EPHA8: variants seen among roughly 807,000 people sequenced by gnomAD.
The protein encoded by EPHA8 is EPH receptor A8.
Under a neutral mutation model 103.6 loss-of-function variants are expected in EPHA8, and 58 were observed. That is an observed-to-expected ratio of 0.56 (90% CI 0.45 to 0.70). EPHA8 has a LOEUF of 0.70. EPHA8 is among the 30% of genes least tolerant of loss of function. The probability of loss-of-function intolerance (pLI) is 0.00; values close to 1 mark genes in which losing one functional copy is unlikely to be tolerated. For missense variants in EPHA8, 1,304 were observed against 1,395.2 expected (o/e 0.93, Z 1.04); for synonymous variants, 559 against 572.5 (o/e 0.98, Z 0.34).
At position 22,600,671 on chromosome 1, in the gene EPHA8, T is replaced by A. The variant is rs1570039820; in HGVS notation, c.2399T>A (p.Ile800Asn). ...DAAYTTTGGKIPIRWTAPEAI... is the reference protein window; with the variant it reads ...DAAYTTTGGKNPIRWTAPEAI... ...GTGTGTCCGTCGCAGGGCGGGAAGA[T>A]CCCCATCCGCTGGACGGCCCCAGAG... The change falls in exon 14 of 17, where the codon ATC becomes AAC. Residue 800 changes from isoleucine (I) to asparagine (N), a missense_variant. Transcript: ENST00000166244. 6.2e-7 allele frequency: 1 copy of A among 1,613,240 alleles called. No homozygotes were observed. The highest frequency in any genetic ancestry group is 8.5e-7 in the Non-Finnish European group (1 of 1,179,792).
Position 22,569,340 on chromosome 1 carries a change from A to G in EPHA8, c.146A>G (p.Tyr49Cys). ...TIHGDWGWLT[Y>C]PAHGWDSINE... is the part of the protein sequence containing the mutation. ...CACGGGGACTGGGGCTGGCTCACGT[A>G]TCCGGCTCATGGGGTGAGTGATGGG... The change falls in exon 2 of 17, where the codon TAT becomes TGT. Residue 49 changes from tyrosine to cysteine, a missense_variant. Coordinates refer to ENST00000166244, the MANE Select transcript of EPHA8 (RefSeq NM_020526.5). This position sits in a 1 kb window ranked among gnomAD's most constrained non-coding sequence, Gnocchi z 4.5. 6.3e-7 allele frequency: 1 copy of G among 1,599,856 alleles called. No homozygotes were observed. Among genetic ancestry groups the G allele is most frequent in the Non-Finnish European group, 8.5e-7 (1 of 1,173,242 alleles).
chr1:22,601,205 C>A, intron 15 of EPHA8, 95 bp from the exon 16 acceptor site: 1 of 1,532,010 alleles, frequency 6.5e-7, no homozygotes, highest in South Asian at 1.3e-5. Context: ...GGGCCCCCGG[C>A]CCCTGCCCTG....
At chr1:22,586,742 G>T (rs1641221018) in intron 4 of EPHA8, 107 bp downstream of exon 4, 7 of 1,444,364 alleles carry the variant, frequency 4.8e-6, no homozygotes, top group African/African-American at 1.4e-5. Flanking sequence ...GGTGGGGCAG[G>T]GGCGGGTGGC....
At position 22,569,242 on chromosome 1, in the gene EPHA8, G is replaced by A. The variant is rs1486600210; in HGVS notation, c.95-47G>A. 7 of 1,604,312 alleles carry A rather than the reference G, an allele frequency of 4.4e-6. No homozygotes were observed. The African/African-American group carries it at 8.0e-5, about 18-fold the overall frequency. On this transcript the variant is annotated intron_variant, in intron 1 of 16. Transcript: ENST00000166244. The surrounding 1 kb of genome is among the most constrained non-coding windows in gnomAD (Gnocchi z 4.5). ...GGGTCAGGCTGCTCTTGAGGAGCTG[G>A]GGAGAAGTCAGAGGGGCCTGATGCC...
At chr1:22,586,780 T>G (rs866503176) in intron 4 of EPHA8, 145 bp downstream of exon 4, 56 of 924,378 alleles carry the variant, frequency 6.1e-5, no homozygotes, top group African/African-American at 2.9e-4. Context: ...CAGTCTGAGG[T>G]GGGGGGGGTG....
At chr1:22,599,639 GA>G in intron 13 of EPHA8, among the ~76,000 whole-genome samples, 1 of 76,494 alleles carries the variant, frequency 1.3e-5, no homozygotes, top group African/African-American at 7.1e-5. Context: ...GGAAGGAAGG[GA>G]GGGAGGGAAG....
At chr1:22,587,242 A>T (rs1452028722) in intron 4 of EPHA8, among the ~76,000 whole-genome samples, 1 of 152,188 alleles carries the variant, frequency 6.6e-6, no homozygotes, top group African/African-American at 2.4e-5. Context: ...TAAATGTGTG[A>T]CGTGTAGTTG....
rs368509527 is a variant in EPHA8, at chr1:22,600,230, AAGG to A, written c.2389-427_2389-425del. The stretch of plus-strand genomic sequence containing the variant: ...GGAGGAAGGTGGGAGGGAAAGAAGA[AAGG>A]AGGGAAGGAAGGACAGAAGGAGGAA... On this transcript the variant is annotated intron_variant, in intron 13 of 16. Transcript: ENST00000166244. Among the ~76,000 whole-genome samples, 201 of 141,172 alleles carry A rather than the reference AAGG, an allele frequency of 1.4e-3. 1 individual carries two copies. The highest frequency in any genetic ancestry group is 4.3e-3 in the African/African-American group (152 of 34,982). The allele number at this position is 141,172 out of a possible 152,430, so 92.6% of individuals were successfully genotyped here. A position where few individuals can be genotyped will look rare whatever the true frequency, so the allele number is the denominator to read the frequency against.
In EPHA8 at chr1:22,589,539, A is replaced by T. The variant is rs550517167; in HGVS notation, c.1315+333A>T. ...AGTACCTGCCTGAGGTCCTCTCAGG[A>T]GGCTTAAATGAGAGGAATGAAATTG... On this transcript the variant is annotated intron_variant, in intron 5 of 16. Transcript: ENST00000166244. This position sits in a 1 kb window ranked among gnomAD's most constrained non-coding sequence, Gnocchi z 4.3. 4 of 1,368,696 alleles carry T rather than the reference A, an allele frequency of 2.9e-6. No individual in the cohort carries two copies. The African/African-American group carries it at 5.8e-5, about 20-fold the overall frequency. 84.8% of individuals were successfully genotyped at this position (1,368,696 alleles called of 1,614,324 possible). A position where few individuals can be genotyped will look rare whatever the true frequency, so the allele number is the denominator to read the frequency against.
chr1:22,571,382 G>T (rs575180640), intron 2 of EPHA8, among the ~76,000 whole-genome samples: 1 of 152,308 alleles, frequency 6.6e-6, no homozygotes, highest in African/African-American at 2.4e-5. Flanking sequence ...TGAGGCTCAG[G>T]GCAGTGAGGA....
intron 3 of EPHA8, among the ~76,000 whole-genome samples, chr1:22,579,347 A>T (rs1020031239): frequency 7.5e-6 from 1 of 133,636 alleles, no homozygotes; most frequent in Non-Finnish European, 1.5e-5. Flanking sequence ...GCATGAGTGT[A>T]TGTATGCGTG....
In EPHA8 at chr1:22,567,485, C is replaced by CG. The variant is rs1311206035; in HGVS notation, c.95-1802dup. On this transcript the variant is annotated intron_variant, in intron 1 of 16. Coordinates refer to ENST00000166244, the MANE Select transcript of EPHA8 (RefSeq NM_020526.5). This position sits in a 1 kb window ranked among gnomAD's most constrained non-coding sequence, Gnocchi z 4.2. The stretch of plus-strand genomic sequence containing the variant: ...GCTTGGGGAGGGGGAGGTCCCTCTG[C>CG]GGACATTCGCTGTGTCCCCTGATCC... Among the ~76,000 whole-genome samples, 1 of 152,080 alleles carries CG rather than the reference C, an allele frequency of 6.6e-6. No individual in the cohort carries two copies. The highest frequency in any genetic ancestry group is 2.4e-5 in the African/African-American group (1 of 41,412).
intron 3 of EPHA8, among the ~76,000 whole-genome samples, chr1:22,579,351 A>ATG (rs1640971293): frequency 1.5e-5 from 2 of 130,456 alleles, no homozygotes; most frequent in African/African-American, 3.5e-5. Flanking sequence ...GAGTGTATGT[A>ATG]TGCGTGTGTG....
rs781000303 is a variant in EPHA8 at position 22,601,727 on chromosome 1, C to T, written c.3004C>T (p.Arg1002Cys). 7 of 1,561,792 alleles carry T rather than the reference C, an allele frequency of 4.5e-6. No homozygotes were observed. In the Admixed American group the frequency reaches 5.6e-5, roughly 12 times the overall value. The part of the protein sequence containing the change: ...RAQLTSTQGP[R>C]RHL ...CCAGCTGACCAGCACCCAGGGGCCC[C>T]GCCGGCACCTCTGATGTACAGCCAG... The change falls in exon 17 of 17, where the codon CGC (arginine) becomes TGC (cysteine). Residue 1002 changes from arginine to cysteine, a missense_variant. Transcript: ENST00000166244.
chr1:22,588,719 C>T lies in EPHA8; in HGVS notation c.980-152C>T. The T allele has an allele frequency of 3.6e-6, 5 of 1,400,098 alleles. No individual in the cohort carries two copies. The South Asian group carries it at 8.0e-5, about 22-fold the overall frequency. The allele number at this position is 1,400,098 out of a possible 1,614,324, so 86.7% of individuals were successfully genotyped here. ...GACACAAACTCTGCCCTTGGGGAGG[C>T]TACAGAGGATGGAGTAGATGTGGAC... On this transcript the variant is annotated intron_variant, in intron 4 of 16. Coordinates refer to ENST00000166244, the MANE Select transcript of EPHA8 (RefSeq NM_020526.5).
At position 22,589,561 on chromosome 1, in the gene EPHA8, A is replaced by T. The variant is rs1054437415; in HGVS notation, c.1315+355A>T. 3 of 1,353,918 alleles carry T rather than the reference A, an allele frequency of 2.2e-6. No homozygotes were observed. The African/African-American group carries it at 4.4e-5, about 20-fold the overall frequency. 83.9% of individuals were successfully genotyped at this position (1,353,918 alleles called of 1,614,324 possible). ...AGGAGGCTTAAATGAGAGGAATGAA[A>T]TTGCTTAGCCCAGCACCTGGCCCGT... is the stretch of plus-strand genomic sequence containing the variant. On this transcript the variant is annotated intron_variant, in intron 5 of 16. Transcript: ENST00000166244. The surrounding 1 kb of genome is among the most constrained non-coding windows in gnomAD (Gnocchi z 4.3).
In EPHA8 at chr1:22,596,295, G is replaced by A. The variant is rs1475392273; in HGVS notation, c.1765+122G>A. 5 of 979,288 alleles carry A rather than the reference G, an allele frequency of 5.1e-6. 1 individual carries two copies. The highest frequency in any genetic ancestry group is 1.6e-5 in the African/African-American group (1 of 61,590). 60.7% of individuals were successfully genotyped at this position (979,288 alleles called of 1,614,324 possible). A position where few individuals can be genotyped will look rare whatever the true frequency, so the allele number is the denominator to read the frequency against. On this transcript the variant is annotated intron_variant, in intron 9 of 16. Coordinates refer to ENST00000166244, the MANE Select transcript of EPHA8 (RefSeq NM_020526.5). ...CCAGTGAAAAAACCAGAGCCCAAGA[G>A]GCAGATTCCAGGGTGTCACAGAGAC...
At chr1:22,570,107 G>C (rs1472040520) in intron 2 of EPHA8, among the ~76,000 whole-genome samples, 3 of 152,166 alleles carry the variant, frequency 2.0e-5, no homozygotes, top group Non-Finnish European at 2.9e-5. Flanking sequence ...CACAGTCTTG[G>C]CACCGAGTCT....
chr1:22,572,090 C>A (rs1640558512), intron 2 of EPHA8, among the ~76,000 whole-genome samples: 1 of 152,146 alleles, frequency 6.6e-6, no homozygotes, highest in African/African-American at 2.4e-5. Flanking sequence ...GGAGGGGGAA[C>A]CTCTGGAGAT....
Sources: allele counts gnomAD v4.1 joint callset (sites outside exome capture counted in the v4.1 genomes callset), GRCh38; gene constraint gnomAD v4.1.1; non-coding constraint Gnocchi (gnomAD v3.1); transcripts MANE v1.5; gene names NCBI Gene and HGNC (gene_info 2026-07-23, HGNC 2026-07-21).